CRHR2: variants seen among roughly 807,000 people sequenced by gnomAD.
CRHR2 encodes corticotropin releasing hormone receptor 2.
A neutral mutation model predicts 57.9 loss-of-function variants in CRHR2; 53 were observed. The ratio of observed to expected loss-of-function variants is 0.92; its 90% CI spans 0.73 to 1.15. CRHR2 has a LOEUF of 1.15. CRHR2 is among the 50% of genes most tolerant of loss of function. CRHR2 has a pLI of 0.00. For missense variants in CRHR2, 532 were observed against 542.6 expected, an observed-to-expected ratio of 0.98 and a Z score of 0.19; for synonymous variants, 213 against 220.9, an observed-to-expected ratio of 0.96 and a Z score of 0.32.
intron 2 of CRHR2, among the ~76,000 whole-genome samples, chr7:30,680,037 A>T (rs1784647117): frequency 6.6e-6 from 1 of 152,208 alleles, no homozygotes; most frequent in Non-Finnish European, 1.5e-5. Context: ...TACTTTTACC[A>T]GCCTGGGTGG....
upstream of CRHR2, chr7:30,686,251 T>G (rs376274773): frequency 2.1e-5 from 25 of 1,219,310 alleles, no homozygotes; most frequent in East Asian, 2.7e-4. Flanking sequence ...ACATCCAGGT[T>G]GCTTTTTATT....
intron 2 of CRHR2, among the ~76,000 whole-genome samples, chr7:30,669,930 C>T (rs559276744): frequency 1.3e-5 from 2 of 152,214 alleles, no homozygotes; most frequent in East Asian, 3.9e-4. Context: ...ACCCACTGCT[C>T]ACGGATGAAC....
intron 2 of CRHR2, among the ~76,000 whole-genome samples, chr7:30,671,832 ATGATGATGATAATG>A: frequency 1.4e-5 from 2 of 147,892 alleles, no homozygotes; most frequent in Non-Finnish European, 1.5e-5. Context: ...GATGATGATG[ATGATGATGATAATG>A]ATGATGATGA....
Position 30,655,025 on chromosome 7 carries a change from G to A in CRHR2, c.1095+14C>T, listed in dbSNP as rs8192490. The A allele has an allele frequency of 5.0e-6, 8 of 1,612,316 alleles. No individual in the cohort carries two copies. In the Admixed American group the frequency reaches 8.4e-5, roughly 17 times the overall value. On this transcript the variant is annotated intron_variant, in intron 11 of 11. Coordinates refer to ENST00000471646, the MANE Select transcript of CRHR2 (RefSeq NM_001883.5). Reference sequence around the variant, plus strand: ...CTGGATATCCCAGGCCACCCCGAGGGCCCAGCTTCATACCTCTCCATTGAA... The same window carrying A: ...CTGGATATCCCAGGCCACCCCGAGGACCCAGCTTCATACCTCTCCATTGAA...
intron 8 of CRHR2, among the ~76,000 whole-genome samples, chr7:30,660,353 T>C (rs950362371): frequency 6.6e-6 from 1 of 152,146 alleles, no homozygotes; most frequent in Non-Finnish European, 1.5e-5. Context: ...AGCCCTGAGG[T>C]CAGCAGAGTG....
intron 1 of CRHR2, among the ~76,000 whole-genome samples, chr7:30,693,992 C>T (rs147949427): frequency 2.0e-5 from 3 of 152,330 alleles, no homozygotes; most frequent in Admixed American, 1.3e-4. Flanking sequence ...CTCCACCATG[C>T]ACACCCCAGC....
At chr7:30,660,697 C>A in intron 7 of CRHR2, 52 bp from the exon 8 acceptor site, 1 of 1,529,836 alleles carries the variant, frequency 6.5e-7, no homozygotes, top group Non-Finnish European at 8.8e-7. Flanking sequence ...ACTGGGGGAC[C>A]CCCACAGACT....
intron 11 of CRHR2, among the ~76,000 whole-genome samples, chr7:30,654,043 C>T (rs41448147): frequency 4.5e-4 from 69 of 152,292 alleles, no homozygotes; most frequent in African/African-American, 1.5e-3. Context: ...ACCGTCCCCT[C>T]TGCACCCCTC....
chr7:30,669,946 C>A (rs1182933878), intron 2 of CRHR2, among the ~76,000 whole-genome samples: 1 of 152,106 alleles, frequency 6.6e-6, no homozygotes, highest in Non-Finnish European at 1.5e-5. Context: ...TGAACTCCTA[C>A]CCATCTTTAA....
chr7:30,674,653 C>T (rs1784461204), intron 2 of CRHR2, among the ~76,000 whole-genome samples: 1 of 152,156 alleles, frequency 6.6e-6, no homozygotes, highest in Non-Finnish European at 1.5e-5. Flanking sequence ...TCCAGGGGGG[C>T]AAGGGGCTGC....
intron 2 of CRHR2, among the ~76,000 whole-genome samples, chr7:30,675,286 G>T (rs1036282617): frequency 2.0e-5 from 3 of 152,232 alleles, no homozygotes; most frequent in African/African-American, 7.2e-5. Context: ...TCCTCCTTCA[G>T]CCCGTCTTCA....
chr7:30,674,593 A>G (rs1196308620), intron 2 of CRHR2, among the ~76,000 whole-genome samples: 1 of 152,196 alleles, frequency 6.6e-6, no homozygotes, highest in Admixed American at 6.5e-5. Flanking sequence ...AGTTCCTATG[A>G]AGTAATGCAG....
rs78211689 is a variant in CRHR2 at position 30,691,301 on chromosome 7, G to A, written c.-260-2017C>T. ...TCCCAGCCTCTGGAGGTCAGGGTACGGGCAACCCAGAGGCATGCAGTGTCC... is the reference window on the plus strand; with the variant it reads ...TCCCAGCCTCTGGAGGTCAGGGTACAGGCAACCCAGAGGCATGCAGTGTCC... On this transcript the variant is annotated intron_variant, in intron 1 of 13. Transcript: ENST00000341843. Among the ~76,000 whole-genome samples the A allele has an allele frequency of 4.6e-5, 7 of 152,328 alleles. No homozygotes were observed. In the East Asian group the frequency reaches 1.4e-3, roughly 29 times the overall value.
At chr7:30,693,960 G>C (rs966759871) in intron 1 of CRHR2, among the ~76,000 whole-genome samples, 5 of 152,190 alleles carry the variant, frequency 3.3e-5, no homozygotes, top group African/African-American at 4.8e-5. Flanking sequence ...ATTAGCTCTT[G>C]GCTGTTCTAG....
chr7:30,684,941 G>C (rs949078955), upstream of CRHR2, among the ~76,000 whole-genome samples: 3 of 152,240 alleles, frequency 2.0e-5, no homozygotes, highest in African/African-American at 7.2e-5. Flanking sequence ...AGGTAGATTA[G>C]AGGCTTTGGG....
upstream of CRHR2, chr7:30,686,694 T>C: frequency 1.9e-6 from 1 of 524,524 alleles, no homozygotes; most frequent in Non-Finnish European, 3.4e-6. Context: ...ATAATATGCC[T>C]CATAATATAT....
intron 1 of CRHR2, among the ~76,000 whole-genome samples, chr7:30,698,482 G>A (rs1211265300): frequency 6.6e-6 from 1 of 152,216 alleles, no homozygotes; most frequent in Admixed American, 6.5e-5. Flanking sequence ...TGGAAAACAA[G>A]TGGGAGAGGG....
In CRHR2 at chr7:30,665,487, G is replaced by T; in HGVS notation, c.425+43C>A. On this transcript the variant is annotated intron_variant, in intron 4 of 11. Transcript: ENST00000471646. The surrounding 1 kb of genome is among the most constrained non-coding windows in gnomAD (Gnocchi z 4.5). ...TGGGAGAGGTGAAGGGGGTGCTGTA[G>T]GGGGAGGGATGAGGAGAAAGCAAGG... The T allele has an allele frequency of 6.8e-7, 1 of 1,462,600 alleles. No homozygotes were observed. Among genetic ancestry groups the T allele is most frequent in the South Asian group, 1.2e-5 (1 of 81,786 alleles). 90.6% of individuals were successfully genotyped at this position (1,462,600 alleles called of 1,614,324 possible).
intron 5 of CRHR2, among the ~76,000 whole-genome samples, chr7:30,663,231 G>C (rs1298946351): frequency 6.6e-6 from 1 of 152,168 alleles, no homozygotes; most frequent in Non-Finnish European, 1.5e-5. Context: ...AGTCAGACCT[G>C]CTTCCTTTTG....
Sources: allele counts gnomAD v4.1 joint callset (sites outside exome capture counted in the v4.1 genomes callset), GRCh38; gene constraint gnomAD v4.1.1; non-coding constraint Gnocchi (gnomAD v3.1); transcripts MANE v1.5; gene names NCBI Gene and HGNC (gene_info 2026-07-23, HGNC 2026-07-21).